The following ABCC1 variants were observed in gnomAD, a reference collection of about 807,000 sequenced individuals.
ABCC1 encodes ATP binding cassette subfamily C member 1 (ABCC1 blood group).
ABCC1 carries 83 observed loss-of-function variants against 172.9 expected under a neutral mutation model. The observed-to-expected ratio is 0.48, with a 90% CI of 0.40 to 0.58. The LOEUF is 0.58. Among genes scored for constraint, ABCC1 ranks in the 20% least tolerant of loss-of-function variants. The probability of loss-of-function intolerance (pLI) is 0.00; values close to 1 mark genes in which losing one functional copy is unlikely to be tolerated. For missense variants in ABCC1, 1,817 were observed against 2,002.7 expected, an observed-to-expected ratio of 0.91 and a Z score of 1.77; for synonymous variants, 937 against 825.2, an observed-to-expected ratio of 1.14 and a Z score of -2.32.
intron 27 of ABCC1, among the ~76,000 whole-genome samples, chr16:16,133,347 A>G (rs45574834): frequency 0.031 from 4,707 of 152,066 alleles, 184 homozygotes; most frequent in African/African-American, 0.077. Flanking sequence ...AGAGAAGAGC[A>G]GAGTGGGTGA....
At chr16:16,002,590 T>C (rs2047353202) in intron 1 of ABCC1, among the ~76,000 whole-genome samples, 1 of 152,066 alleles carries the variant, frequency 6.6e-6, no homozygotes, top group African/African-American at 2.4e-5. Context: ...CTGAGCAACA[T>C]GGCAAAACCC....
At chr16:16,103,537 G>T (rs192612837) in intron 20 of ABCC1, among the ~76,000 whole-genome samples, 2 of 152,250 alleles carry the variant, frequency 1.3e-5, no homozygotes, top group African/African-American at 2.4e-5. Context: ...CCGAGATTGC[G>T]CCATGGCACT....
chr16:16,063,556 T>G (rs2049997732), intron 12 of ABCC1, among the ~76,000 whole-genome samples: 1 of 152,112 alleles, frequency 6.6e-6, no homozygotes, highest in African/African-American at 2.4e-5. Context: ...GTCTTGCAAA[T>G]AACAGAAACC....
intron 1 of ABCC1, among the ~76,000 whole-genome samples, chr16:15,980,268 G>A (rs1464061477): frequency 6.6e-6 from 1 of 152,158 alleles, no homozygotes; most frequent in Non-Finnish European, 1.5e-5. Context: ...ACTTTGAGAG[G>A]CCAAGGTGGG....
chr16:16,077,842 G>T (rs2050639591), intron 15 of ABCC1, among the ~76,000 whole-genome samples: 1 of 152,168 alleles, frequency 6.6e-6, no homozygotes, highest in African/African-American at 2.4e-5. Flanking sequence ...GGCCAACATG[G>T]TGAAACCCTG....
At position 16,112,326 on chromosome 16, in the gene ABCC1, T is replaced by C. The variant is rs45565342; in HGVS notation, c.3079+744T>C. Among the ~76,000 whole-genome samples, 345 of 151,318 alleles carry C rather than the reference T, an allele frequency of 2.3e-3. 1 individual carries two copies. The highest frequency in any genetic ancestry group is 7.9e-3 in the African/African-American group (327 of 41,220). ...ACAGTTAGACCTATGATTGCACCAC[T>C]GCCCTCCAGCCTGGGTGACAGAGCA... On this transcript the variant is annotated intron_variant, in intron 22 of 30. Coordinates refer to ENST00000399410, the MANE Select transcript of ABCC1 (RefSeq NM_004996.4).
intron 7 of ABCC1, among the ~76,000 whole-genome samples, chr16:16,043,450 C>T (rs1435986380): frequency 2.0e-5 from 3 of 151,584 alleles, no homozygotes. Context: ...AGGTATGTGC[C>T]ACCATGCCGG....
intron 5 of ABCC1, among the ~76,000 whole-genome samples, chr16:16,026,779 T>C (rs1275993218): frequency 6.6e-6 from 1 of 151,870 alleles, no homozygotes; most frequent in Non-Finnish European, 1.5e-5. Flanking sequence ...TAGCCAGGTG[T>C]GGTGGCAGAT....
At chr16:16,026,465 CTTTTTTT>C (rs1157942197) in intron 5 of ABCC1, among the ~76,000 whole-genome samples, 38 of 95,490 alleles carry the variant, frequency 4.0e-4, no homozygotes, top group African/African-American at 9.5e-4. Context: ...AGGCTATTTC[CTTTTTTT>C]TTTTTTTTTT....
rs200354015 is a variant in ABCC1 at position 16,079,380 on chromosome 16, T to C, written c.2017T>C (p.Leu673=). ...CACCTTCTCCATCCCCGAAGGTGCT[T>C]TGGTGGCCGTGGTGGGCCAGGTGGG... The part of the protein sequence containing the change: ...GITFSIPEGA[L]VAVVGQVGCG... Residue 673 remains leucine (L), a synonymous_variant, in exon 16 of 31, where the codon TTG becomes CTG. Transcript: ENST00000399410. 167 of 1,613,768 alleles carry C rather than the reference T, an allele frequency of 1.0e-4. No individual in the cohort carries two copies. The highest frequency in any genetic ancestry group is 1.3e-4 in the Non-Finnish European group (151 of 1,179,872).
At chr16:16,133,397 T>G (rs1017344884) in intron 27 of ABCC1, among the ~76,000 whole-genome samples, 8 of 148,798 alleles carry the variant, frequency 5.4e-5, no homozygotes, top group South Asian at 2.1e-4. Flanking sequence ...TTTGTTTTTG[T>G]TTTTGTTTTG....
intron 19 of ABCC1, among the ~76,000 whole-genome samples, chr16:16,099,356 G>T (rs1340635031): frequency 2.6e-5 from 4 of 152,232 alleles, no homozygotes. Flanking sequence ...GCAGGTGGTG[G>T]TGGGGACCCT....
At chr16:15,967,508 T>C (rs974777057) in intron 1 of ABCC1, among the ~76,000 whole-genome samples, 9 of 151,778 alleles carry the variant, frequency 5.9e-5, no homozygotes, top group African/African-American at 1.7e-4. Flanking sequence ...TTAGTGATGC[T>C]GAAGTGGGAG....
At chr16:16,133,155 C>T (rs776792619) in intron 27 of ABCC1, among the ~76,000 whole-genome samples, 1 of 152,148 alleles carries the variant, frequency 6.6e-6, no homozygotes, top group Non-Finnish European at 1.5e-5. Flanking sequence ...GGAAGAGGTT[C>T]CTTGACCTGA....
At chr16:16,108,048 C>CTCTGG in intron 21 of ABCC1, among the ~76,000 whole-genome samples, 2 of 152,144 alleles carry the variant, frequency 1.3e-5, no homozygotes, top group South Asian at 4.1e-4. Flanking sequence ...GCAGAGGTGA[C>CTCTGG]TCTGGTGTCC....
intron 21 of ABCC1, among the ~76,000 whole-genome samples, chr16:16,109,203 G>A (rs1487293506): frequency 6.6e-6 from 1 of 152,070 alleles, no homozygotes; most frequent in Non-Finnish European, 1.5e-5. Context: ...GAGGGGCAGA[G>A]CCTCACTGTG....
intron 1 of ABCC1, among the ~76,000 whole-genome samples, chr16:15,989,918 C>A: frequency 6.6e-6 from 1 of 152,210 alleles, no homozygotes; most frequent in East Asian, 1.9e-4. Flanking sequence ...ACTCTGTCAC[C>A]CAGGCTGGAG....
At chr16:16,139,611 C>CAAAAAA (rs386384360) in intron 30 of ABCC1, among the ~76,000 whole-genome samples, 1,832 of 57,232 alleles carry the variant, frequency 0.032, 267 homozygotes, top group South Asian at 0.07. Flanking sequence ...GACTCCATCT[C>CAAAAAA]AAAAAAAAAA....
chr16:16,070,810 C>T (rs1046769750), intron 13 of ABCC1, among the ~76,000 whole-genome samples: 6 of 152,038 alleles, frequency 3.9e-5, no homozygotes, highest in Non-Finnish European at 7.4e-5. Context: ...CTTTCTTTGC[C>T]GAATAATTTT....
Sources: allele counts gnomAD v4.1 joint callset (sites outside exome capture counted in the v4.1 genomes callset), GRCh38; gene constraint gnomAD v4.1.1; transcripts MANE v1.5; gene names NCBI Gene and HGNC (gene_info 2026-07-23, HGNC 2026-07-21).